The following C1orf87 variants were observed in gnomAD, a reference collection of about 807,000 sequenced individuals.
C1orf87 encodes the protein uncharacterized protein C1orf87.
A neutral mutation model predicts 60.5 loss-of-function variants in C1orf87; 58 were observed. The ratio of observed to expected loss-of-function variants is 0.96; its 90% CI spans 0.78 to 1.19. The LOEUF (loss-of-function observed/expected upper bound fraction) is 1.19. Ranked by LOEUF, C1orf87 falls within the 50% of genes most tolerant of loss-of-function variation. The pLI, the probability that C1orf87 is intolerant of heterozygous loss-of-function variation, is 0.00. For synonymous variants in C1orf87, 236 were observed against 227.4 expected (o/e 1.04, Z -0.34); for missense variants, 673 against 638.6 (o/e 1.05, Z -0.58).
chr1:60,030,091 T>C (rs999765005), intron 7 of C1orf87, among the ~76,000 whole-genome samples: 2 of 152,314 alleles, frequency 1.3e-5, no homozygotes, highest in Middle Eastern at 6.8e-3. Context: ...AGAATTGTGA[T>C]GACGTATTTA....
chr1:60,073,700 G>C lies in C1orf87; in HGVS notation c.-38C>G, dbSNP rs1645599302. ...AGTCGGGGGGCTTACCGCTAGGGCA[G>C]CGTCCCCACCCTGGCAGCTCAGAGG... On this transcript the variant is annotated 5_prime_UTR_variant, in exon 1 of 12. Coordinates refer to ENST00000371201, the MANE Select transcript of C1orf87 (RefSeq NM_152377.3). 6.6e-6 allele frequency: 1 copy of C among 152,454 alleles called. No homozygotes were observed. The highest frequency in any genetic ancestry group is 3.4e-3 in the Middle Eastern group (1 of 296). The allele number at this position is 152,454 out of a possible 1,614,324, so 9.4% of individuals were successfully genotyped here.
At chr1:60,014,756 C>A (rs572300903) in intron 8 of C1orf87, among the ~76,000 whole-genome samples, 1 of 152,136 alleles carries the variant, frequency 6.6e-6, no homozygotes, top group Non-Finnish European at 1.5e-5. Context: ...ACAGTATGTA[C>A]AGTATGTAGT....
chr1:59,998,408 G>T (rs924496038), intron 10 of C1orf87, among the ~76,000 whole-genome samples: 2 of 152,150 alleles, frequency 1.3e-5, no homozygotes, highest in Non-Finnish European at 2.9e-5. Flanking sequence ...GGGCATAAAG[G>T]CTAGCTCATC....
intron 2 of C1orf87, among the ~76,000 whole-genome samples, chr1:60,057,477 G>C (rs1297384612): frequency 6.6e-6 from 1 of 152,174 alleles, no homozygotes; most frequent in Admixed American, 6.5e-5. Flanking sequence ...AAAGATGTTA[G>C]GGAGTTTAGC....
In C1orf87 at chr1:60,064,551, T is replaced by C. The variant is rs1371254570; in HGVS notation, c.107+7986A>G. ...AATATGCTAATAATCATTATATATA[T>C]TTTATATATATAAAACTAATAGGAT... On this transcript the variant is annotated intron_variant, in intron 2 of 11. Coordinates refer to ENST00000371201, the MANE Select transcript of C1orf87 (RefSeq NM_152377.3). Among the ~76,000 whole-genome samples the C allele has an allele frequency of 9.5e-5, 12 of 126,580 alleles. No individual in the cohort carries two copies. The East Asian group carries it at 2.5e-3, about 27-fold the overall frequency. The allele number at this position is 126,580 out of a possible 152,430, so 83.0% of individuals were successfully genotyped here. A position where few individuals can be genotyped will look rare whatever the true frequency, so the allele number is the denominator to read the frequency against.
At chr1:60,048,895 C>T (rs1222412264) in intron 3 of C1orf87, among the ~76,000 whole-genome samples, 1 of 151,814 alleles carries the variant, frequency 6.6e-6, no homozygotes, top group African/African-American at 2.4e-5. Context: ...TATAATAATA[C>T]TCATATATAC....
chr1:60,056,182 T>C (rs1241625078), intron 2 of C1orf87, among the ~76,000 whole-genome samples: 4 of 152,034 alleles, frequency 2.6e-5, no homozygotes, highest in Non-Finnish European at 4.4e-5. Context: ...AGGTGGAGGT[T>C]GCAGTGAGCC....
At chr1:60,008,640 G>A (rs1460355703) in intron 9 of C1orf87, 3 of 451,188 alleles carry the variant, frequency 6.6e-6, no homozygotes, top group Non-Finnish European at 8.9e-6. Flanking sequence ...GACACATCAA[G>A]TATCCACCTA....
At chr1:60,068,391 A>G (rs1320254773) in intron 2 of C1orf87, among the ~76,000 whole-genome samples, 2 of 152,200 alleles carry the variant, frequency 1.3e-5, no homozygotes, top group African/African-American at 4.8e-5. Flanking sequence ...TGGGTTTACA[A>G]AAACAATTTG....
In C1orf87 at chr1:60,025,433, G is replaced by T. The variant is rs147855127; in HGVS notation, c.1095C>A (p.Asn365Lys). ...LTLSLLETLLNHQDLGYQNEI... is the reference protein window; with the variant it reads ...LTLSLLETLLKHQDLGYQNEI... ...CATTTTGGTAACCCAAATCTTGATG[G>T]TTAAGCAATGTTTCCAGCAGGCTCA... Residue 365 changes from asparagine (N) to lysine (K), a missense_variant, in exon 8 of 12, where the codon AAC becomes AAA. Asn to Lys is a moderately conservative substitution (Grantham distance 94, BLOSUM62 0). Transcript: ENST00000371201. 3.7e-6 allele frequency: 6 copies of T among 1,613,160 alleles called. No homozygotes were observed. Among genetic ancestry groups the T allele is most frequent in the Non-Finnish European group, 5.1e-6 (6 of 1,179,532 alleles).
intron 2 of C1orf87, among the ~76,000 whole-genome samples, chr1:60,069,311 A>C (rs1023440045): frequency 6.6e-6 from 1 of 152,184 alleles, no homozygotes; most frequent in Non-Finnish European, 1.5e-5. Flanking sequence ...GATTCTTAAT[A>C]TATCAGGAAG....
chr1:60,051,747 C>A (rs964920603), intron 3 of C1orf87, among the ~76,000 whole-genome samples: 1 of 152,058 alleles, frequency 6.6e-6, no homozygotes, highest in African/African-American at 2.4e-5. Flanking sequence ...CCTGGTGAGA[C>A]AAAATGGTGG....
At chr1:60,066,016 A>G (rs1015496375) in intron 2 of C1orf87, among the ~76,000 whole-genome samples, 1 of 152,274 alleles carries the variant, frequency 6.6e-6, no homozygotes, top group Non-Finnish European at 1.5e-5. Flanking sequence ...AGTCTAAAAA[A>G]CAATGCACAT....
chr1:60,056,506 C>T (rs1645457778), intron 2 of C1orf87, among the ~76,000 whole-genome samples: 1 of 152,008 alleles, frequency 6.6e-6, no homozygotes, highest in Non-Finnish European at 1.5e-5. Flanking sequence ...GGTATGAAGT[C>T]ATTAAAATAG....
intron 8 of C1orf87, chr1:60,010,881 A>AATAC (rs1557460008): frequency 2.2e-5 from 2 of 90,634 alleles, no homozygotes; most frequent in Non-Finnish European, 5.0e-5. Flanking sequence ...GATATAAATA[A>AATAC]ATAAATAAAT....
At chr1:60,024,948 A>G (rs1481996895) in intron 8 of C1orf87, among the ~76,000 whole-genome samples, 2 of 152,206 alleles carry the variant, frequency 1.3e-5, no homozygotes, top group Non-Finnish European at 2.9e-5. Flanking sequence ...AAAAGCAAAC[A>G]TTCTTAACTC....
Position 60,033,539 on chromosome 1 carries a change from G to T in C1orf87, c.966C>A (p.Asp322Glu). Residue 322 changes from aspartate (D) to glutamate (E), a missense_variant, in exon 7 of 12, where the codon GAC (aspartate) becomes GAA (glutamate). By Grantham distance (45) the Asp-to-Glu change is conservative. Coordinates refer to ENST00000371201, the MANE Select transcript of C1orf87 (RefSeq NM_152377.3). ...LRTTNGRLNI[D>E]NLNLSFRKED... ...CTTTTCGAAAACTCAGATTGAGATT[G>T]TCTATGTTGAGTCTGCCATTGGTTG... The T allele has an allele frequency of 6.2e-7, 1 of 1,613,960 alleles. No homozygotes were observed. The highest frequency in any genetic ancestry group is 8.5e-7 in the Non-Finnish European group (1 of 1,179,912).
chr1:60,051,115 CTATT>C (rs1275736027), intron 3 of C1orf87, among the ~76,000 whole-genome samples: 2 of 152,060 alleles, frequency 1.3e-5, no homozygotes, highest in South Asian at 2.1e-4. Flanking sequence ...GAACAGAACT[CTATT>C]TATGGAAAAG....
intron 8 of C1orf87, among the ~76,000 whole-genome samples, chr1:60,012,570 C>T (rs1316920361): frequency 6.6e-6 from 1 of 152,012 alleles, no homozygotes; most frequent in African/African-American, 2.4e-5. Context: ...GTTCTAGTTG[C>T]CATAGCAGGC....
Sources: gnomAD v4.1 joint callset for allele counts (sites outside exome capture counted in the v4.1 genomes callset) on GRCh38, gnomAD v4.1.1 for gene constraint, MANE v1.5 for transcripts, NCBI Gene and HGNC (gene_info 2026-07-23, HGNC 2026-07-21) for gene names.